PTPDC1: variants seen among roughly 807,000 people sequenced by gnomAD.
PTPDC1 encodes the protein protein tyrosine phosphatase domain containing 1.
In PTPDC1, 53 loss-of-function variants were observed where a neutral mutation model predicts 75.3. That is an observed-to-expected ratio of 0.70 (90% CI 0.56 to 0.88). The LOEUF is 0.88. Among genes scored for constraint, PTPDC1 ranks in the 40% least tolerant of loss-of-function variants. The pLI, the probability that PTPDC1 is intolerant of heterozygous loss-of-function variation, is 0.00. For missense variants in PTPDC1, 925 were observed against 998.6 expected (o/e 0.93, Z 0.99); for synonymous variants, 349 against 366.2 (o/e 0.95, Z 0.54).
intron 1 of PTPDC1, among the ~76,000 whole-genome samples, chr9:94,033,997 G>A (rs1587831626): frequency 6.6e-6 from 1 of 152,098 alleles, no homozygotes; most frequent in East Asian, 1.9e-4. Flanking sequence ...CAATATAACT[G>A]TAAAGAAGAC....
chr9:94,058,039 A>G (rs1406676898), intron 1 of PTPDC1, among the ~76,000 whole-genome samples: 1 of 152,232 alleles, frequency 6.6e-6, no homozygotes. Context: ...AAACAAACAC[A>G]GTGAGTTTAC....
intron 2 of PTPDC1, among the ~76,000 whole-genome samples, chr9:94,065,450 G>A (rs191882105): frequency 1.3e-4 from 20 of 152,330 alleles, no homozygotes; most frequent in Non-Finnish European, 2.8e-4. Flanking sequence ...TTGGGGCTTT[G>A]CCCACCTTCA....
chr9:94,095,022 A>G (rs900928442), intron 4 of PTPDC1, among the ~76,000 whole-genome samples: 1 of 152,230 alleles, frequency 6.6e-6, no homozygotes, highest in Admixed American at 6.5e-5. Flanking sequence ...ATGGAAATGC[A>G]GAAATCACCC....
intron 2 of PTPDC1, among the ~76,000 whole-genome samples, chr9:94,075,554 G>T (rs1041453259): frequency 6.6e-6 from 1 of 152,168 alleles, no homozygotes; most frequent in Non-Finnish European, 1.5e-5. Context: ...TGGGTTGAAG[G>T]CTTCTGCAGC....
intron 2 of PTPDC1, among the ~76,000 whole-genome samples, chr9:94,085,699 ATAGC>A (rs1230499996): frequency 1.3e-5 from 2 of 152,250 alleles, no homozygotes; most frequent in Non-Finnish European, 2.9e-5. Flanking sequence ...GGATAATTAG[ATAGC>A]TCTTAAATTT....
chr9:94,035,504 C>T (rs2118379821), intron 1 of PTPDC1, among the ~76,000 whole-genome samples: 1 of 152,310 alleles, frequency 6.6e-6, no homozygotes, highest in Admixed American at 6.5e-5. Context: ...TGGCAAATGT[C>T]AGAATGTATT....
chr9:94,101,114 T>A, intron 6 of PTPDC1: 1 of 152,548 alleles, frequency 6.6e-6, no homozygotes, highest in Non-Finnish European at 1.5e-5. Flanking sequence ...GACCCCAGGT[T>A]AATGTATAAA....
intron 7 of PTPDC1, 89 bp from the exon 8 acceptor site, chr9:94,104,186 A>G (rs2118099078): frequency 1.3e-6 from 1 of 786,868 alleles, no homozygotes; most frequent in East Asian, 2.6e-5. Flanking sequence ...CTTGGTCACA[A>G]ACCAATTCTT....
At chr9:94,096,336 A>G (rs73518290) in intron 5 of PTPDC1, among the ~76,000 whole-genome samples, 7,857 of 152,188 alleles carry the variant, frequency 0.052, 628 homozygotes, top group African/African-American at 0.18. Context: ...AGACATTGAC[A>G]TGATAGCTCT....
chr9:94,077,135 C>T (rs546817175), intron 2 of PTPDC1, among the ~76,000 whole-genome samples: 2 of 152,138 alleles, frequency 1.3e-5, no homozygotes, highest in Non-Finnish European at 2.9e-5. Flanking sequence ...AGACTATTTT[C>T]ATCAGACCAA....
At chr9:94,059,616 T>C (rs1338597639) in intron 1 of PTPDC1, among the ~76,000 whole-genome samples, 1 of 152,186 alleles carries the variant, frequency 6.6e-6, no homozygotes, top group Non-Finnish European at 1.5e-5. Context: ...TTCAGTAGTA[T>C]GGTTTAAAGA....
chr9:94,088,109 G>A, intron 3 of PTPDC1, 36 bp from the exon 4 acceptor site: 1 of 1,591,960 alleles, frequency 6.3e-7, no homozygotes, highest in Non-Finnish European at 8.5e-7. Context: ...TTAAATGCTA[G>A]CTCCCAATAT....
intron 2 of PTPDC1, among the ~76,000 whole-genome samples, chr9:94,069,949 C>T (rs1385337183): frequency 6.6e-6 from 1 of 151,848 alleles, no homozygotes; most frequent in African/African-American, 2.4e-5. Context: ...CTCAGCCTCC[C>T]GAGTAGCTGG....
chr9:94,092,016 G>C (rs1389638595), intron 4 of PTPDC1, among the ~76,000 whole-genome samples: 1 of 145,838 alleles, frequency 6.9e-6, no homozygotes, highest in East Asian at 2.0e-4. Flanking sequence ...CAATTTTGTT[G>C]ATCTTTTCAA....
Position 94,107,838 on chromosome 9 carries a change from A to G in PTPDC1, c.2321A>G (p.Asp774Gly). ...AIKAFTKVNF[D>G]SENGPTVYNT... ...TTTCTTTGTCACCAGGTTAATTTTG[A>G]TTCTGAAAATGGACCAACAGTTTAC... The change falls in exon 9 of 9, where the codon GAT becomes GGT. Residue 774 changes from aspartate (D) to glycine (G), a missense_variant. Coordinates refer to ENST00000620992, the MANE Select transcript of PTPDC1 (RefSeq NM_001253829.2). 1 of 1,592,428 alleles carries G rather than the reference A, an allele frequency of 6.3e-7. No homozygotes were observed. The highest frequency in any genetic ancestry group is 8.5e-7 in the Non-Finnish European group (1 of 1,169,772).
At chr9:94,062,996 T>C (rs1165508468) in intron 1 of PTPDC1, among the ~76,000 whole-genome samples, 4 of 152,228 alleles carry the variant, frequency 2.6e-5, no homozygotes, top group Non-Finnish European at 4.4e-5. Context: ...CTCATCCTCA[T>C]GACCCCATGG....
chr9:94,045,438 G>C (rs1282576569), intron 1 of PTPDC1, among the ~76,000 whole-genome samples: 1 of 152,174 alleles, frequency 6.6e-6, no homozygotes, highest in Non-Finnish European at 1.5e-5. Context: ...CACAATGGTT[G>C]AACTAGTTTA....
intron 3 of PTPDC1, 24 bp downstream of exon 3, chr9:94,087,935 C>A: frequency 6.4e-7 from 1 of 1,572,316 alleles, no homozygotes; most frequent in Non-Finnish European, 8.7e-7. Context: ...TGTTCACACA[C>A]GAGTGAGCAA....
intron 6 of PTPDC1, 45 bp from the exon 7 acceptor site, chr9:94,101,521 C>CCTGTCT (rs763232983): frequency 8.1e-6 from 12 of 1,488,296 alleles, no homozygotes; most frequent in African/African-American, 1.4e-5. Context: ...CTCTCCTCTC[C>CCTGTCT]CTGTCTCTGT....
Sources: allele counts gnomAD v4.1 joint callset (sites outside exome capture counted in the v4.1 genomes callset), GRCh38; gene constraint gnomAD v4.1.1; transcripts MANE v1.5; gene names NCBI Gene and HGNC (gene_info 2026-07-23, HGNC 2026-07-21).